SLC35F4: variants seen among roughly 807,000 people sequenced by gnomAD.
SLC35F4 encodes solute carrier family 35 member F4.
A neutral mutation model predicts 44.2 loss-of-function variants in SLC35F4; 24 were observed. The observed-to-expected ratio is 0.54, with a 90% confidence interval of 0.39 to 0.76. SLC35F4 has a LOEUF of 0.76. SLC35F4 is among the 30% of genes least tolerant of loss of function. SLC35F4 has a pLI of 0.00. For synonymous variants in SLC35F4, 238 were observed against 223.6 expected (o/e 1.06, Z -0.57); for missense variants, 562 against 586.1 (o/e 0.96, Z 0.42).
intron 4 of SLC35F4, among the ~76,000 whole-genome samples, chr14:57,576,104 TC>T (rs1487830525): frequency 1.3e-5 from 2 of 152,174 alleles, no homozygotes; most frequent in Non-Finnish European, 2.9e-5. Context: ...TCACTATGGT[TC>T]CCACTCACAG....
At chr14:57,724,770 A>C in intron 1 of SLC35F4, among the ~76,000 whole-genome samples, 1 of 152,186 alleles carries the variant, frequency 6.6e-6, no homozygotes, top group Non-Finnish European at 1.5e-5. Context: ...CACCACTCGG[A>C]AGTAGACAGC....
chr14:57,868,569 G>A (rs762922580), upstream of SLC35F4, among the ~76,000 whole-genome samples: 4 of 151,214 alleles, frequency 2.6e-5, no homozygotes, highest in East Asian at 1.9e-4. Context: ...TCCGCCTCCC[G>A]GGTTCAAGTG....
chr14:57,677,283 TAA>T (rs2074725259), intron 1 of SLC35F4, among the ~76,000 whole-genome samples: 2 of 151,814 alleles, frequency 1.3e-5, no homozygotes, highest in South Asian at 4.2e-4. Flanking sequence ...GGGAAAGAGA[TAA>T]AAGACTACAT....
intron 1 of SLC35F4, among the ~76,000 whole-genome samples, chr14:57,886,423 A>G (rs1888647296): frequency 6.6e-6 from 1 of 152,210 alleles, no homozygotes; most frequent in African/African-American, 2.4e-5. Context: ...AGTGGGCAAT[A>G]TCCTAAAAAA....
At chr14:57,937,586 GAAAGA>G (rs67004414) in intron 1 of SLC35F4, among the ~76,000 whole-genome samples, 14,095 of 112,904 alleles carry the variant, frequency 0.12, 929 homozygotes, top group Non-Finnish European at 0.15. Context: ...GAAAAGAAAA[GAAAGA>G]AAAGAAAAGA....
intron 1 of SLC35F4, among the ~76,000 whole-genome samples, chr14:57,722,461 T>C (rs1030746109): frequency 6.6e-6 from 1 of 152,116 alleles, no homozygotes; most frequent in African/African-American, 2.4e-5. Context: ...CAAAATAGAT[T>C]TGTGAGGCAG....
chr14:57,696,118 A>T (rs886786128), intron 1 of SLC35F4, among the ~76,000 whole-genome samples: 6 of 152,218 alleles, frequency 3.9e-5, no homozygotes, highest in Non-Finnish European at 7.3e-5. Flanking sequence ...TCTGCACAGC[A>T]AAAGAAACTA....
At chr14:57,683,276 T>C (rs989847055) in intron 1 of SLC35F4, among the ~76,000 whole-genome samples, 2 of 152,316 alleles carry the variant, frequency 1.3e-5, no homozygotes, top group Admixed American at 6.5e-5. Flanking sequence ...ATTTACTTTT[T>C]TCCTTTAATA....
At chr14:57,864,927 T>A (rs1887990737) in intron 1 of SLC35F4, among the ~76,000 whole-genome samples, 1 of 152,090 alleles carries the variant, frequency 6.6e-6, no homozygotes, top group African/African-American at 2.4e-5. Context: ...AGAGCACACC[T>A]CATCGCCCTC....
At chr14:57,777,658 A>C (rs551857467) in intron 1 of SLC35F4, among the ~76,000 whole-genome samples, 3 of 152,288 alleles carry the variant, frequency 2.0e-5, no homozygotes, top group Non-Finnish European at 4.4e-5. Flanking sequence ...GAGGGATAGC[A>C]TTAGGAGAAA....
chr14:57,928,170 G>A (rs1049974539), intron 1 of SLC35F4, among the ~76,000 whole-genome samples: 1 of 152,104 alleles, frequency 6.6e-6, no homozygotes, highest in Non-Finnish European at 1.5e-5. Context: ...CCCAGCCAGG[G>A]TGGTATCAGA....
chr14:57,901,731 G>A (rs1035990127), intron 1 of SLC35F4, among the ~76,000 whole-genome samples: 2 of 152,090 alleles, frequency 1.3e-5, no homozygotes, highest in South Asian at 2.1e-4. Flanking sequence ...TAATATTTGC[G>A]AATATATGTA....
chr14:57,649,505 G>A (rs1346804448), intron 1 of SLC35F4, among the ~76,000 whole-genome samples: 1 of 152,136 alleles, frequency 6.6e-6, no homozygotes, highest in Non-Finnish European at 1.5e-5. Flanking sequence ...TTGGGCACAT[G>A]CAGATAATCT....
intron 1 of SLC35F4, among the ~76,000 whole-genome samples, chr14:57,981,430 C>T (rs1881379346): frequency 6.6e-6 from 1 of 152,160 alleles, no homozygotes; most frequent in Non-Finnish European, 1.5e-5. Flanking sequence ...GTAGACTAGT[C>T]TGAGCGTCTT....
chr14:57,848,880 A>T (rs1218779334), intron 1 of SLC35F4, among the ~76,000 whole-genome samples: 1 of 152,124 alleles, frequency 6.6e-6, no homozygotes, highest in Admixed American at 6.5e-5. Context: ...GTTACTTCAT[A>T]TTGTCCCCGT....
intron 1 of SLC35F4, among the ~76,000 whole-genome samples, chr14:57,939,861 G>A (rs577128966): frequency 2.6e-5 from 4 of 152,028 alleles, no homozygotes; most frequent in Non-Finnish European, 5.9e-5. Context: ...TTTTACATTC[G>A]CACTGCAAAT....
intron 1 of SLC35F4, among the ~76,000 whole-genome samples, chr14:57,678,054 C>T (rs1309858241): frequency 6.6e-6 from 1 of 151,638 alleles, no homozygotes; most frequent in Non-Finnish European, 1.5e-5. Flanking sequence ...GAAGAGCAAC[C>T]CCAAGACAAA....
At chr14:57,778,467 C>T (rs1045327288) in intron 1 of SLC35F4, among the ~76,000 whole-genome samples, 17 of 151,840 alleles carry the variant, frequency 1.1e-4, no homozygotes, top group South Asian at 2.1e-4. Context: ...ACAGGAGCAC[C>T]GAGATTCATA....
intron 1 of SLC35F4, among the ~76,000 whole-genome samples, chr14:57,960,617 A>C (rs1203404963): frequency 1.3e-5 from 2 of 152,224 alleles, no homozygotes; most frequent in Non-Finnish European, 2.9e-5. Flanking sequence ...CTTAAACAGG[A>C]AGTTAGAAAA....
Sources: gnomAD v4.1 joint callset for allele counts (sites outside exome capture counted in the v4.1 genomes callset) on GRCh38, gnomAD v4.1.1 for gene constraint, MANE v1.5 for transcripts, NCBI Gene and HGNC (gene_info 2026-07-23, HGNC 2026-07-21) for gene names.